Variants in FHOD3 observed in about 807,000 individuals in gnomAD.
The protein encoded by FHOD3 is formin homology 2 domain containing 3, also known as FH1/FH2 domain-containing protein 3.
A neutral mutation model predicts 173.0 loss-of-function variants in FHOD3; 90 were observed. The ratio of observed to expected loss-of-function variants is 0.52; its 90% CI spans 0.44 to 0.62. The LOEUF is 0.62. Ranked by LOEUF, FHOD3 falls within the 20% of genes least tolerant of loss-of-function variation. FHOD3 has a pLI of 0.00. For missense variants in FHOD3, 1,945 were observed against 2,034.7 expected, an observed-to-expected ratio of 0.96 and a Z score of 0.85; for synonymous variants, 828 against 823.0, an observed-to-expected ratio of 1.01 and a Z score of -0.10.
chr18:36,554,390 A>G (rs1399352967), intron 5 of FHOD3, among the ~76,000 whole-genome samples: 1 of 152,024 alleles, frequency 6.6e-6, no homozygotes, highest in Non-Finnish European at 1.5e-5. Context: ...GCAAGGACAA[A>G]AAACCAAACA....
At chr18:36,364,827 A>G (rs1192014688) in intron 2 of FHOD3, among the ~76,000 whole-genome samples, 2 of 152,164 alleles carry the variant, frequency 1.3e-5, no homozygotes, top group Non-Finnish European at 2.9e-5. Context: ...TGTGCCACAA[A>G]GGCAAGTTGT....
At chr18:36,658,639 G>A (rs917460796) in intron 14 of FHOD3, among the ~76,000 whole-genome samples, 1 of 152,062 alleles carries the variant, frequency 6.6e-6, no homozygotes, top group African/African-American at 2.4e-5. Context: ...GAATTGTATG[G>A]GTACATGGAA....
At chr18:36,400,738 A>G (rs1264135445) in intron 3 of FHOD3, among the ~76,000 whole-genome samples, 1 of 152,246 alleles carries the variant, frequency 6.6e-6, no homozygotes, top group Non-Finnish European at 1.5e-5. Context: ...GGCTGGGAGC[A>G]GAGGTCTAAC....
rs936298344 is a variant in FHOD3 at position 36,489,738 on chromosome 18, T to C, written c.338-12194T>C. ...ACGTGAGTCTTGAGAAAATATGTAA[T>C]TCAAATATTTCAACTTAATTTGGAA... On this transcript the variant is annotated intron_variant, in intron 3 of 28. Coordinates refer to ENST00000590592, the MANE Select transcript of FHOD3 (RefSeq NM_001281740.3). 5.3e-5 allele frequency among the ~76,000 whole-genome samples: 8 copies of C among 152,078 alleles called. No homozygotes were observed. In the East Asian group the frequency reaches 1.5e-3, roughly 29 times the overall value.
intron 14 of FHOD3, among the ~76,000 whole-genome samples, chr18:36,661,754 G>A (rs1360619738): frequency 6.6e-6 from 1 of 152,202 alleles, no homozygotes; most frequent in Non-Finnish European, 1.5e-5. Flanking sequence ...GGAAGGAAGT[G>A]CTGAAGAAAC....
In FHOD3 at chr18:36,355,619, G is replaced by A. The variant is rs1360605586; in HGVS notation, c.246G>A (p.Glu82=). The change falls in exon 2 of 29, where the codon GAG becomes GAA. Residue 82 remains glutamate, a synonymous_variant. Coordinates refer to ENST00000590592, the MANE Select transcript of FHOD3 (RefSeq NM_001281740.3). ...CCACCCTGGCAGAGCAGCGGGATGA[G>A]TTGGAAGGCTTCCAGGATGACGCCG... ...LEATLAEQRD[E]LEGFQDDAGR... 2.5e-6 allele frequency: 4 copies of A among 1,614,164 alleles called. No homozygotes were observed. Among genetic ancestry groups the A allele is most frequent in the Admixed American group, 1.7e-5 (1 of 60,026 alleles).
intron 14 of FHOD3, among the ~76,000 whole-genome samples, chr18:36,666,059 C>A (rs2037159830): frequency 6.6e-6 from 1 of 152,252 alleles, no homozygotes; most frequent in Admixed American, 6.5e-5. Context: ...AGCATGACAA[C>A]AGCCAGGGCC....
chr18:36,361,348 C>T (rs1270052525), intron 2 of FHOD3, among the ~76,000 whole-genome samples: 4 of 152,010 alleles, frequency 2.6e-5, no homozygotes, highest in Non-Finnish European at 5.9e-5. Flanking sequence ...TAGGTTCTGG[C>T]TTCAGAAGGT....
chr18:36,501,101 C>A (rs1239159858), intron 3 of FHOD3, among the ~76,000 whole-genome samples: 1 of 152,224 alleles, frequency 6.6e-6, no homozygotes, highest in Admixed American at 6.5e-5. Flanking sequence ...AGCTCACCTC[C>A]TTCTTCCTGA....
intron 3 of FHOD3, among the ~76,000 whole-genome samples, chr18:36,501,435 C>T (rs1396456331): frequency 6.6e-6 from 1 of 152,132 alleles, no homozygotes; most frequent in Non-Finnish European, 1.5e-5. Flanking sequence ...ACAGGAGATG[C>T]AGAAAGCATG....
chr18:36,556,518 T>G (rs1314900963), intron 5 of FHOD3, among the ~76,000 whole-genome samples: 1 of 152,216 alleles, frequency 6.6e-6, no homozygotes, highest in Admixed American at 6.5e-5. Context: ...TTTTTATCTT[T>G]AACTTATCAC....
intron 25 of FHOD3, among the ~76,000 whole-genome samples, chr18:36,756,270 CT>C (rs1344812705): frequency 1.3e-5 from 2 of 152,088 alleles, no homozygotes; most frequent in Non-Finnish European, 2.9e-5. Context: ...ATAAAGTCAT[CT>C]TTTTTGATAT....
At chr18:36,435,347 A>G (rs901820040) in intron 3 of FHOD3, among the ~76,000 whole-genome samples, 1 of 152,158 alleles carries the variant, frequency 6.6e-6, no homozygotes, top group African/African-American at 2.4e-5. Flanking sequence ...GTATGTAAAT[A>G]GTATTTACAT....
At chr18:36,313,331 G>T (rs1331861164) in intron 1 of FHOD3, among the ~76,000 whole-genome samples, 1 of 152,138 alleles carries the variant, frequency 6.6e-6, no homozygotes, top group East Asian at 1.9e-4. Flanking sequence ...TATTTTTGGT[G>T]CACAGTCCTA....
At chr18:36,690,655 A>T (rs529027378) in intron 16 of FHOD3, among the ~76,000 whole-genome samples, 2 of 152,090 alleles carry the variant, frequency 1.3e-5, no homozygotes, top group Non-Finnish European at 2.9e-5. Flanking sequence ...CACTCTGGCC[A>T]CTGCAGATGA....
chr18:36,419,283 A>C (rs1380619089), intron 3 of FHOD3, among the ~76,000 whole-genome samples: 2 of 151,776 alleles, frequency 1.3e-5, no homozygotes, highest in African/African-American at 4.8e-5. Flanking sequence ...ACTTTTCTCT[A>C]TTTGGCTTTG....
intron 23 of FHOD3, among the ~76,000 whole-genome samples, chr18:36,744,844 C>T (rs2042072936): frequency 1.3e-5 from 2 of 152,210 alleles, no homozygotes; most frequent in Non-Finnish European, 1.5e-5. Context: ...TGACCAACTC[C>T]TAGAGGGATC....
At chr18:36,563,505 G>C (rs12966507) in intron 5 of FHOD3, among the ~76,000 whole-genome samples, 1 of 152,068 alleles carries the variant, frequency 6.6e-6, no homozygotes, top group Non-Finnish European at 1.5e-5. Context: ...ATCAAGAACA[G>C]CCAACCATCA....
chr18:36,382,767 C>T (rs907267868), intron 3 of FHOD3, among the ~76,000 whole-genome samples: 3 of 149,200 alleles, frequency 2.0e-5, no homozygotes, highest in South Asian at 2.2e-4. Context: ...CAACCCGAGA[C>T]GGGTCCTGTC....
Sources: gnomAD v4.1 joint callset for allele counts (sites outside exome capture counted in the v4.1 genomes callset) on GRCh38, gnomAD v4.1.1 for gene constraint, MANE v1.5 for transcripts, NCBI Gene and HGNC (gene_info 2026-07-23, HGNC 2026-07-21) for gene names.